IL22RA1: variants seen among roughly 807,000 people sequenced by gnomAD.
IL22RA1 encodes the protein interleukin 22 receptor subunit alpha 1.
Under a neutral mutation model 32.8 loss-of-function variants are expected in IL22RA1, and 25 were observed. The ratio of observed to expected loss-of-function variants is 0.76; its 90% CI spans 0.55 to 1.06. The LOEUF is 1.06. Among genes scored for constraint, IL22RA1 ranks in the 50% least tolerant of loss-of-function variants. The pLI is 0.00. For synonymous variants in IL22RA1, 305 were observed against 305.0 expected (o/e 1.00, Z 0.00); for missense variants, 709 against 727.4 (o/e 0.97, Z 0.29).
rs186337818 is a variant in IL22RA1 at position 24,141,953 on chromosome 1, C to T, written c.43+1087G>A. On this transcript the variant is annotated intron_variant, in intron 1 of 6. Coordinates refer to ENST00000270800, the MANE Select transcript of IL22RA1 (RefSeq NM_021258.4). Reference sequence around the variant, plus strand: ...GCCTAAGATTGGGGGGGTGAGGGCCCGGTGTGTGCAGCGCGAGGCAGCTGA... The same window carrying T: ...GCCTAAGATTGGGGGGGTGAGGGCCTGGTGTGTGCAGCGCGAGGCAGCTGA... 2.7e-3 allele frequency among the ~76,000 whole-genome samples: 406 copies of T among 152,288 alleles called. 2 individuals are homozygous for T. The highest frequency in any genetic ancestry group is 9.1e-3 in the African/African-American group (380 of 41,568).
intron 6 of IL22RA1, 97 bp downstream of exon 6, chr1:24,123,205 T>G (rs1326671244): frequency 6.7e-6 from 10 of 1,492,010 alleles, no homozygotes; most frequent in Non-Finnish European, 8.9e-6. Context: ...CATCTCCTGC[T>G]TTGTCTGTGG....
At chr1:24,125,279 C>G (rs963712570) in intron 5 of IL22RA1, among the ~76,000 whole-genome samples, 2 of 152,134 alleles carry the variant, frequency 1.3e-5, no homozygotes, top group African/African-American at 2.4e-5. Context: ...GGTTAAGTGA[C>G]CTGACCAAGG....
chr1:24,121,564 G>C lies in IL22RA1; in HGVS notation c.966C>G (p.Ser322=), dbSNP rs151086369. ...PAGAPQRHSL[S]EITYLGQPDI... Reference sequence around the variant, plus strand: ...CTGGCTGCCCTAAGTAGGTGATCTCGGACAGGCTATGCCGCTGTGGAGCTC... The same window carrying C: ...CTGGCTGCCCTAAGTAGGTGATCTCCGACAGGCTATGCCGCTGTGGAGCTC... Residue 322 remains serine, a synonymous_variant, in exon 7 of 7, where the codon TCC becomes TCG. Coordinates refer to ENST00000270800, the MANE Select transcript of IL22RA1 (RefSeq NM_021258.4). 1.2e-6 allele frequency: 2 copies of C among 1,608,834 alleles called. No homozygotes were observed. The highest frequency in any genetic ancestry group is 1.7e-6 in the Non-Finnish European group (2 of 1,176,712).
chr1:24,138,870 C>T (rs1644261627), intron 1 of IL22RA1, among the ~76,000 whole-genome samples, 156 bp from the exon 2 acceptor site: 1 of 152,198 alleles, frequency 6.6e-6, no homozygotes, highest in Admixed American at 6.5e-5. Context: ...ACCCTGGCCC[C>T]CAGCCTTCTA....
chr1:24,129,860 TG>T (rs113795461), intron 4 of IL22RA1, among the ~76,000 whole-genome samples: 2 of 152,338 alleles, frequency 1.3e-5, no homozygotes, highest in African/African-American at 4.8e-5. Flanking sequence ...TTACATATCA[TG>T]AGACATAACT....
At chr1:24,134,066 G>T in intron 4 of IL22RA1, 145 bp downstream of exon 4, 1 of 563,708 alleles carries the variant, frequency 1.8e-6, no homozygotes. Flanking sequence ...TGATTTCCAG[G>T]CTTCAAGGAG....
In IL22RA1 at chr1:24,121,182, C is replaced by T. The variant is rs781745964; in HGVS notation, c.1348G>A (p.Val450Met). ...CMLGGLSLQE[V>M]TSLAMEESQE... Reference sequence around the variant, plus strand: ...GATTCCTCCATAGCCAAGGAGGTCACCTCCTGCAGAGAAAGGCCACCTAAC... The same window carrying T: ...GATTCCTCCATAGCCAAGGAGGTCATCTCCTGCAGAGAAAGGCCACCTAAC... The change falls in exon 7 of 7, where the codon GTG becomes ATG. Residue 450 changes from valine (V) to methionine (M), a missense_variant. Physicochemically the swap from Val to Met is conservative, Grantham distance 21. Coordinates refer to ENST00000270800, the MANE Select transcript of IL22RA1 (RefSeq NM_021258.4). 1 of 1,614,208 alleles carries T rather than the reference C, an allele frequency of 6.2e-7. No homozygotes were observed. Among genetic ancestry groups the T allele is most frequent in the Admixed American group, 1.7e-5 (1 of 60,032 alleles).
intron 5 of IL22RA1, among the ~76,000 whole-genome samples, chr1:24,125,231 G>A (rs1018300281): frequency 6.6e-6 from 1 of 152,100 alleles, no homozygotes; most frequent in African/African-American, 2.4e-5. Context: ...GGGTAGGGAC[G>A]CTCCCTTCCT....
Position 24,123,335 on chromosome 1 carries a change from A to G in IL22RA1, c.759T>C (p.Tyr253=). ...VAVLCYLSYR[Y]VTKPPAPPNS... is the part of the protein sequence containing the mutation. ...TGGGAGGTGCAGGCGGCTTGGTGAC[A>G]TATCTGTAGCTCAGGTAGCAGAGTA... Residue 253 remains tyrosine, a synonymous_variant, in exon 6 of 7, where the codon TAT becomes TAC. Coordinates refer to ENST00000270800, the MANE Select transcript of IL22RA1 (RefSeq NM_021258.4). The G allele has an allele frequency of 1.9e-6, 3 of 1,614,138 alleles. No individual in the cohort carries two copies. The highest frequency in any genetic ancestry group is 2.5e-6 in the Non-Finnish European group (3 of 1,180,006).
Position 24,137,154 on chromosome 1 carries a change from T to C in IL22RA1, c.332A>G (p.Asp111Gly). The C allele has an allele frequency of 6.2e-6, 10 of 1,613,766 alleles. No homozygotes were observed. The highest frequency in any genetic ancestry group is 8.5e-6 in the Non-Finnish European group (10 of 1,179,840). Reference protein sequence around the residue: ...AGGRSATKMTDRFSSLQHTTL... With the variant: ...AGGRSATKMTGRFSSLQHTTL... ...ACTGTGCTGCAGAGAGCTGAACCTGTCAGTCATCTTGGTGGCTGACCGGCC... is the reference window on the plus strand; with the variant it reads ...ACTGTGCTGCAGAGAGCTGAACCTGCCAGTCATCTTGGTGGCTGACCGGCC... Residue 111 changes from aspartate (D) to glycine (G), a missense_variant, in exon 3 of 7, where the codon GAC (aspartate) becomes GGC (glycine). Physicochemically the swap from Asp to Gly is moderately conservative, Grantham distance 94. Transcript: ENST00000270800.
At chr1:24,129,979 C>T (rs1382840585) in intron 4 of IL22RA1, among the ~76,000 whole-genome samples, 4 of 152,200 alleles carry the variant, frequency 2.6e-5, no homozygotes, top group Admixed American at 6.5e-5. Context: ...AATCTTTTGA[C>T]TTGCCAGCCT....
At position 24,121,168 on chromosome 1, in the gene IL22RA1, A is replaced by C. The variant is rs533465451; in HGVS notation, c.1362T>G (p.Ala454=). 2 of 1,614,180 alleles carry C rather than the reference A, an allele frequency of 1.2e-6. No homozygotes were observed. Among genetic ancestry groups the C allele is most frequent in the African/African-American group, 2.7e-5 (2 of 75,038 alleles). ...ATTTTGCTTCTTGGGATTCCTCCAT[A>C]GCCAAGGAGGTCACCTCCTGCAGAG... is the stretch of plus-strand genomic sequence containing the variant. ...GLSLQEVTSL[A]MEESQEAKSL... The change falls in exon 7 of 7, where the codon GCT becomes GCG. Residue 454 remains alanine (A), a synonymous_variant. Transcript: ENST00000270800.
chr1:24,142,275 C>T (rs2502453), intron 1 of IL22RA1, among the ~76,000 whole-genome samples: 3,032 of 152,304 alleles, frequency 0.02, 113 homozygotes, highest in African/African-American at 0.07. Context: ...GAGGGCCTGG[C>T]CGAGGCCATA....
Position 24,120,746 on chromosome 1 carries a change from G to T in IL22RA1, c.*59C>A. On this transcript the variant is annotated 3_prime_UTR_variant, in exon 7 of 7. Coordinates refer to ENST00000270800, the MANE Select transcript of IL22RA1 (RefSeq NM_021258.4). ...GGCGTGGGCAGGCATGGGATTGACA[G>T]CCAAGGATGTGACACTGGGTAGGGA... 1 of 1,469,222 alleles carries T rather than the reference G, an allele frequency of 6.8e-7. No homozygotes were observed. The highest frequency in any genetic ancestry group is 9.2e-7 in the Non-Finnish European group (1 of 1,084,458). The allele number at this position is 1,469,222 out of a possible 1,614,324, so 91.0% of individuals were successfully genotyped here.
chr1:24,142,100 G>T (rs569240449), intron 1 of IL22RA1, among the ~76,000 whole-genome samples: 2 of 152,266 alleles, frequency 1.3e-5, no homozygotes, highest in East Asian at 3.9e-4. Context: ...GCCTCAAGGG[G>T]GTGCCTCACA....
intron 5 of IL22RA1, among the ~76,000 whole-genome samples, chr1:24,127,227 T>C (rs1210451399): frequency 6.6e-6 from 1 of 151,592 alleles, no homozygotes; most frequent in East Asian, 1.9e-4. Flanking sequence ...CCCAACTGTA[T>C]CTATAGTAGC....
intron 3 of IL22RA1, among the ~76,000 whole-genome samples, chr1:24,135,980 G>A (rs946600345): frequency 6.6e-6 from 1 of 152,074 alleles, no homozygotes. Context: ...TTTGAGATAG[G>A]ATCTCACTGT....
chr1:24,141,099 G>A (rs1644278377), intron 1 of IL22RA1, among the ~76,000 whole-genome samples: 1 of 152,242 alleles, frequency 6.6e-6, no homozygotes, highest in Non-Finnish European at 1.5e-5. Context: ...CCCAGCAGCT[G>A]CAAAATGTCT....
chr1:24,122,585 C>T (rs183702686), intron 6 of IL22RA1, among the ~76,000 whole-genome samples: 1,880 of 152,186 alleles, frequency 0.012, 42 homozygotes, highest in Non-Finnish European at 0.015. Context: ...CACCTGAAGT[C>T]AGGAGTTTGA....
Sources: allele counts gnomAD v4.1 joint callset (sites outside exome capture counted in the v4.1 genomes callset), GRCh38; gene constraint gnomAD v4.1.1; transcripts MANE v1.5; gene names NCBI Gene and HGNC (gene_info 2026-07-23, HGNC 2026-07-21).